CEP112: variants seen among roughly 807,000 people sequenced by gnomAD.
CEP112 encodes the protein centrosomal protein 112, also known as centrosomal protein of 112 kDa.
A neutral mutation model predicts 153.0 loss-of-function variants in CEP112; 127 were observed. The ratio of observed to expected loss-of-function variants is 0.83; its 90% CI spans 0.72 to 0.96. CEP112 has a LOEUF of 0.96. CEP112 is among the 40% of genes least tolerant of loss of function. CEP112 has a pLI of 0.00. For missense variants in CEP112, 1,089 were observed against 1,101.2 expected (o/e 0.99, Z 0.16); for synonymous variants, 358 against 374.4 (o/e 0.96, Z 0.51).
At chr17:66,030,261 T>C (rs2065407084) in intron 12 of CEP112, among the ~76,000 whole-genome samples, 1 of 152,248 alleles carries the variant, frequency 6.6e-6, no homozygotes, top group Admixed American at 6.5e-5. Context: ...GTTCATTTAA[T>C]GAATATTTAC....
At position 66,171,525 on chromosome 17, in the gene CEP112, T is replaced by G. The variant is rs140811035; in HGVS notation, c.470+3519A>C. Among the ~76,000 whole-genome samples the G allele has an allele frequency of 1.3e-3, 195 of 152,244 alleles. 1 individual carries two copies. The highest frequency in any genetic ancestry group is 2.4e-3 in the Non-Finnish European group (160 of 67,998). The stretch of plus-strand genomic sequence containing the variant: ...AAGTCAAGATTAGCAGATACTAACT[T>G]TTTCATTAGCATACTATGATCACTC... On this transcript the variant is annotated intron_variant, in intron 4 of 26. Transcript: ENST00000535342.
At chr17:65,725,875 G>A (rs9913015) in intron 23 of CEP112, among the ~76,000 whole-genome samples, 1,552 of 152,102 alleles carry the variant, frequency 0.01, 28 homozygotes, top group African/African-American at 0.036. Context: ...GGTCCCTCTC[G>A]CAACATGTGG....
chr17:65,927,969 C>G (rs1418061225), intron 18 of CEP112, among the ~76,000 whole-genome samples: 2 of 151,992 alleles, frequency 1.3e-5, no homozygotes, highest in Non-Finnish European at 2.9e-5. Flanking sequence ...ATTTATTGAA[C>G]AAAATTTAAT....
rs373589628 is a variant in CEP112, at chr17:65,851,934, C to G, written c.2264G>C (p.Arg755Pro). The G allele has an allele frequency of 2.5e-6, 4 of 1,613,956 alleles. No homozygotes were observed. The African/African-American group carries it at 4.0e-5, about 16-fold the overall frequency. The change falls in exon 21 of 27, where the codon CGT becomes CCT. Residue 755 changes from arginine (R) to proline (P), a missense_variant. Transcript: ENST00000535342. The part of the protein sequence containing the change: ...KQQLVELGLL[R>P]EEEKQRATRE... ...TGTAGCCCTTTGCTTTTCCTCTTCA[C>G]GAAGAAGACCAAGCTCTACCAGCTG...
At chr17:66,190,277 C>G (rs2073113390) in intron 1 of CEP112, among the ~76,000 whole-genome samples, 1 of 151,580 alleles carries the variant, frequency 6.6e-6, no homozygotes, top group Admixed American at 6.6e-5. Flanking sequence ...CCACTGCACT[C>G]CAGCCTGGGT....
intron 21 of CEP112, among the ~76,000 whole-genome samples, chr17:65,827,267 G>T (rs2056879676): frequency 6.6e-6 from 1 of 152,056 alleles, no homozygotes; most frequent in South Asian, 2.1e-4. Flanking sequence ...ACTTCACCTT[G>T]TGAGTCAATA....
intron 23 of CEP112, among the ~76,000 whole-genome samples, chr17:65,742,250 A>G (rs1176163660): frequency 3.9e-5 from 6 of 152,102 alleles, no homozygotes; most frequent in Admixed American, 3.9e-4. Context: ...TTTTTCTTTT[A>G]TTGTTCTTTG....
intron 21 of CEP112, among the ~76,000 whole-genome samples, chr17:65,773,398 T>G (rs1334073876): frequency 2.2e-4 from 29 of 130,938 alleles, no homozygotes; most frequent in Non-Finnish European, 3.2e-5. Flanking sequence ...ACCTTTTTAC[T>G]GCTGTAATAA....
chr17:65,786,805 C>CA (rs2054301612), intron 21 of CEP112, among the ~76,000 whole-genome samples: 1 of 152,048 alleles, frequency 6.6e-6, no homozygotes, highest in Non-Finnish European at 1.5e-5. Context: ...AGGCTGGTCT[C>CA]AAACTTTTAG....
chr17:66,072,975 A>G (rs1228493158), intron 8 of CEP112, among the ~76,000 whole-genome samples: 2 of 152,172 alleles, frequency 1.3e-5, no homozygotes, highest in Non-Finnish European at 1.5e-5. Flanking sequence ...ATAGATATGT[A>G]CCTATGTGTT....
chr17:66,120,775 A>C (rs964763824), intron 6 of CEP112, among the ~76,000 whole-genome samples: 1 of 152,174 alleles, frequency 6.6e-6, no homozygotes, highest in African/African-American at 2.4e-5. Flanking sequence ...CTAAAAGTTC[A>C]TTGATTCCAT....
chr17:65,679,129 CTTTTTTTTT>C (rs57907674), intron 24 of CEP112, among the ~76,000 whole-genome samples: 33 of 31,582 alleles, frequency 1.0e-3, no homozygotes, highest in African/African-American at 2.6e-3. Context: ...GTGGTTCAAG[CTTTTTTTTT>C]TTTTTTTTTT....
At chr17:65,937,633 C>A (rs1230960112) in intron 18 of CEP112, among the ~76,000 whole-genome samples, 1 of 99,350 alleles carries the variant, frequency 1.0e-5, no homozygotes, top group Non-Finnish European at 2.1e-5. Context: ...GTCAGCCCCC[C>A]GCCCGGCCAG....
At position 66,079,609 on chromosome 17, in the gene CEP112, C is replaced by A. The variant is rs189339122; in HGVS notation, c.769-9608G>T. On this transcript the variant is annotated intron_variant, in intron 8 of 26. Transcript: ENST00000535342. The stretch of plus-strand genomic sequence containing the variant: ...AAGTAATTTATAGATTCAATGCTAT[C>A]CCCATCAAGCTACCATTGACTTTTT... Among the ~76,000 whole-genome samples the A allele has an allele frequency of 4.6e-5, 7 of 152,198 alleles. No individual in the cohort carries two copies. The East Asian group carries it at 1.4e-3, about 29-fold the overall frequency.
rs184935308 is a variant in CEP112, at chr17:66,135,560, C to T, written c.471-2797G>A. Among the ~76,000 whole-genome samples, 49 of 152,180 alleles carry T rather than the reference C, an allele frequency of 3.2e-4. No individual in the cohort carries two copies. In the East Asian group the frequency reaches 9.1e-3, roughly 28 times the overall value. On this transcript the variant is annotated intron_variant, in intron 4 of 26. Coordinates refer to ENST00000535342, the MANE Select transcript of CEP112 (RefSeq NM_001199165.4). Reference sequence around the variant, plus strand: ...GTGAGCTCATAATATGGTACTTGTGCCAAGCAGAAAAGCGGTATTGTGCCT... The same window carrying T: ...GTGAGCTCATAATATGGTACTTGTGTCAAGCAGAAAAGCGGTATTGTGCCT...
At chr17:65,638,279 G>A (rs2044890739) in intron 25 of CEP112, among the ~76,000 whole-genome samples, 1 of 152,216 alleles carries the variant, frequency 6.6e-6, no homozygotes, top group Non-Finnish European at 1.5e-5. Context: ...TATCAGGCGT[G>A]GATTCAAAAG....
rs190580625 is a variant in CEP112, at chr17:65,697,038, A to T, written c.2608-7820T>A. Among the ~76,000 whole-genome samples the T allele has an allele frequency of 2.6e-5, 4 of 152,300 alleles. No homozygotes were observed. The East Asian group carries it at 7.7e-4, about 29-fold the overall frequency. On this transcript the variant is annotated intron_variant, in intron 23 of 26. Coordinates refer to ENST00000535342, the MANE Select transcript of CEP112 (RefSeq NM_001199165.4). ...GACTAAAGGAGAAGATAACTAGAAG[A>T]GGAAGGCCTATTTTTATTTTTATTG...
At chr17:65,767,645 AG>A (rs1225846745) in intron 21 of CEP112, among the ~76,000 whole-genome samples, 1 of 143,998 alleles carries the variant, frequency 6.9e-6, no homozygotes, top group East Asian at 2.0e-4. Context: ...GCTTAAAAAA[AG>A]AAAGAGAAGA....
At chr17:65,887,186 T>C (rs1173976961) in intron 20 of CEP112, among the ~76,000 whole-genome samples, 2 of 152,104 alleles carry the variant, frequency 1.3e-5, no homozygotes, top group Non-Finnish European at 2.9e-5. Context: ...GGCTTTGAAG[T>C]GAGACACATT....
Sources: allele counts gnomAD v4.1 joint callset (sites outside exome capture counted in the v4.1 genomes callset), GRCh38; gene constraint gnomAD v4.1.1; transcripts MANE v1.5; gene names NCBI Gene and HGNC (gene_info 2026-07-23, HGNC 2026-07-21).